Variants in SCLT1 observed in about 807,000 individuals in gnomAD.
SCLT1 encodes sodium channel and clathrin linker 1.
In SCLT1, 78 loss-of-function variants were observed where a neutral mutation model predicts 112.8. The ratio of observed to expected loss-of-function variants is 0.69; its 90% confidence interval spans 0.58 to 0.83. SCLT1 has a LOEUF of 0.83. Among genes scored for constraint, SCLT1 ranks in the 40% least tolerant of loss-of-function variants. SCLT1 has a pLI of 0.00. For missense variants in SCLT1, 747 were observed against 770.4 expected (o/e 0.97, Z 0.36); for synonymous variants, 257 against 254.7 (o/e 1.01, Z -0.09).
chr4:128,914,471 A>C (rs1212439288), intron 18 of SCLT1, among the ~76,000 whole-genome samples: 6 of 152,204 alleles, frequency 3.9e-5, no homozygotes, highest in Admixed American at 3.9e-4. Flanking sequence ...ATAGGAAGTG[A>C]TGAGAAATGA....
chr4:129,057,037 A>G (rs529638746), intron 2 of SCLT1, among the ~76,000 whole-genome samples: 1 of 152,208 alleles, frequency 6.6e-6, no homozygotes, highest in Non-Finnish European at 1.5e-5. Context: ...CGTTTTTTTA[A>G]ATCAAGAAGA....
intron 8 of SCLT1, among the ~76,000 whole-genome samples, chr4:128,995,146 A>G (rs1389392847): frequency 6.6e-6 from 1 of 152,102 alleles, no homozygotes; most frequent in Non-Finnish European, 1.5e-5. Flanking sequence ...TAAGAACTTT[A>G]TAAGTAAGAG....
chr4:129,049,246 A>G (rs988555693), intron 2 of SCLT1, among the ~76,000 whole-genome samples: 1 of 151,770 alleles, frequency 6.6e-6, no homozygotes, highest in Non-Finnish European at 1.5e-5. Flanking sequence ...TCCAACAATG[A>G]TAGACTGGAT....
chr4:128,944,952 C>T (rs1738018174), intron 16 of SCLT1: 1 of 152,170 alleles, frequency 6.6e-6, no homozygotes, highest in African/African-American at 2.4e-5. Context: ...ATCCTTCACT[C>T]AACCTTCAAA....
At chr4:128,887,502 A>T (rs534015559) in intron 20 of SCLT1, among the ~76,000 whole-genome samples, 2 of 152,312 alleles carry the variant, frequency 1.3e-5, no homozygotes, top group South Asian at 4.1e-4. Context: ...AATAATATTA[A>T]TTTTGATTGA....
rs73847347 is a variant in SCLT1 at position 128,993,432 on chromosome 4, C to T, written c.616-1195G>A. On this transcript the variant is annotated intron_variant, in intron 8 of 20. Transcript: ENST00000281142. ...CATAATTAATGCTTGTGTTTTTGAC[C>T]ATTTGGGAACACCTCAAAGATAGAA... 3.8e-3 allele frequency among the ~76,000 whole-genome samples: 573 copies of T among 152,024 alleles called. 1 individual carries two copies. Among genetic ancestry groups the T allele is most frequent in the African/African-American group, 0.011 (475 of 41,512 alleles).
chr4:129,074,492 G>T (rs13144594), intron 2 of SCLT1, among the ~76,000 whole-genome samples: 13,405 of 151,848 alleles, frequency 0.088, 754 homozygotes, highest in South Asian at 0.15. Context: ...ACTTTTAGAA[G>T]AAAAAACTCC....
chr4:128,947,573 T>C (rs753128730), intron 15 of SCLT1, among the ~76,000 whole-genome samples: 1 of 152,216 alleles, frequency 6.6e-6, no homozygotes, highest in Non-Finnish European at 1.5e-5. Flanking sequence ...TTTTTAACAT[T>C]GGGTAAGTTA....
At chr4:128,990,575 A>G (rs1742474468) in intron 9 of SCLT1, among the ~76,000 whole-genome samples, 1 of 151,906 alleles carries the variant, frequency 6.6e-6, no homozygotes, top group South Asian at 2.1e-4. Context: ...TCAACACAGT[A>G]TGAGGAGTCC....
chr4:128,992,390 T>C (rs566360840), intron 8 of SCLT1, among the ~76,000 whole-genome samples, 153 bp from the exon 9 acceptor site: 2 of 151,944 alleles, frequency 1.3e-5, no homozygotes, highest in African/African-American at 4.8e-5. Context: ...TGGCCTTCTT[T>C]CCTTGCCTTT....
chr4:129,050,202 G>A (rs941788059), intron 2 of SCLT1, among the ~76,000 whole-genome samples: 22 of 152,076 alleles, frequency 1.4e-4, no homozygotes, highest in Non-Finnish European at 3.1e-4. Flanking sequence ...ATAAACATAC[G>A]TGTGCATGTG....
In SCLT1 at chr4:128,889,994, A is replaced by G. The variant is rs140306067; in HGVS notation, c.1908+1065T>C. ...GCTTATTATATTTCTTATTATGCCC[A>G]AAAGCAAAATTAAATGTTATGAAGA... On this transcript the variant is annotated intron_variant, in intron 19 of 20. Coordinates refer to ENST00000281142, the MANE Select transcript of SCLT1 (RefSeq NM_144643.4). Among the ~76,000 whole-genome samples, 59 of 151,872 alleles carry G rather than the reference A, an allele frequency of 3.9e-4. 1 individual carries two copies. The highest frequency in any genetic ancestry group is 1.3e-3 in the African/African-American group (54 of 41,570).
At chr4:128,908,395 G>A (rs318534) in intron 18 of SCLT1, among the ~76,000 whole-genome samples, 66,968 of 142,182 alleles carry the variant, frequency 0.47, 16,762 homozygotes, top group African/African-American at 0.69. Flanking sequence ...AAAAAAAAAA[G>A]AAAGAAAAAA....
At chr4:129,005,630 T>C (rs1743930984) in intron 5 of SCLT1, among the ~76,000 whole-genome samples, 1 of 152,050 alleles carries the variant, frequency 6.6e-6, no homozygotes, top group African/African-American at 2.4e-5. Flanking sequence ...GATCTAGAAC[T>C]AGAAATACCA....
At chr4:128,981,912 G>C (rs1194619497) in intron 9 of SCLT1, among the ~76,000 whole-genome samples, 2 of 152,124 alleles carry the variant, frequency 1.3e-5, no homozygotes. Context: ...CATTGAAGGA[G>C]AGTGACATGA....
chr4:128,955,268 T>C (rs1238537796), intron 13 of SCLT1, among the ~76,000 whole-genome samples: 6 of 152,246 alleles, frequency 3.9e-5, no homozygotes, highest in African/African-American at 1.2e-4. Flanking sequence ...TCTCTCATCC[T>C]AACCTCACTT....
At chr4:129,038,915 A>G (rs1262089213) in intron 5 of SCLT1, 126 bp downstream of exon 5, 1 of 675,716 alleles carries the variant, frequency 1.5e-6, no homozygotes, top group Non-Finnish European at 2.7e-6. Flanking sequence ...CAGGAGTCAA[A>G]TAGAAAATCA....
chr4:129,052,531 T>C (rs1023946979), intron 2 of SCLT1, among the ~76,000 whole-genome samples: 2 of 152,080 alleles, frequency 1.3e-5, no homozygotes, highest in African/African-American at 4.8e-5. Context: ...GTTTATAGTA[T>C]TCTCTCATGG....
At chr4:128,963,534 CA>C (rs1267623920) in intron 11 of SCLT1, among the ~76,000 whole-genome samples, 2 of 152,150 alleles carry the variant, frequency 1.3e-5, no homozygotes, top group African/African-American at 4.8e-5. Flanking sequence ...TTTCTTCTAA[CA>C]ATGTATGGAA....
Sources: gnomAD v4.1 joint callset for allele counts (sites outside exome capture counted in the v4.1 genomes callset) on GRCh38, gnomAD v4.1.1 for gene constraint, MANE v1.5 for transcripts, NCBI Gene and HGNC (gene_info 2026-07-23, HGNC 2026-07-21) for gene names.